INF2: variants seen among roughly 807,000 people sequenced by gnomAD.
The protein encoded by INF2 is inverted formin-2.
In INF2, 43 loss-of-function variants were observed where a neutral mutation model predicts 123.5. The observed-to-expected ratio is 0.35, with a 90% confidence interval of 0.27 to 0.45. INF2 has a LOEUF of 0.45. INF2 is among the 20% of genes least tolerant of loss of function. The probability of loss-of-function intolerance (pLI) is 1.00; values close to 1 mark genes in which losing one functional copy is unlikely to be tolerated. For synonymous variants in INF2, 851 were observed against 745.0 expected (o/e 1.14, Z -2.32); for missense variants, 1,453 against 1,682.7 (o/e 0.86, Z 2.39).
chr14:104,717,999 CCT>C (rs779094134), intron 22 of INF2, among the ~76,000 whole-genome samples: 6 of 152,256 alleles, frequency 3.9e-5, no homozygotes, highest in Non-Finnish European at 7.3e-5. Context: ...GGCACAAGCC[CCT>C]GTTCCTAGCT....
In INF2 at chr14:104,707,330, A is replaced by G. The variant is rs1174161600; in HGVS notation, c.1063A>G (p.Lys355Glu). The change falls in exon 8 of 23, where the codon AAG becomes GAG. Residue 355 changes from lysine to glutamate, a missense_variant. Lys to Glu is a moderately conservative substitution (Grantham distance 56). Coordinates refer to ENST00000392634, the MANE Select transcript of INF2 (RefSeq NM_022489.4). ...KGRPRPSPLVKAHKSVQANLD... is the reference protein window; with the variant it reads ...KGRPRPSPLVEAHKSVQANLD... ...GCGACCCAGACCGAGCCCCCTGGTC[A>G]AGGCCCATAAAAGCGTCCAGGCCAA... The G allele has an allele frequency of 6.2e-7, 1 of 1,602,700 alleles. No individual in the cohort carries two copies. Among genetic ancestry groups the G allele is most frequent in the Non-Finnish European group, 8.5e-7 (1 of 1,175,582 alleles).
chr14:104,712,098 C>G (rs761510354), intron 16 of INF2, among the ~76,000 whole-genome samples: 16 of 152,120 alleles, frequency 1.1e-4, no homozygotes, highest in Non-Finnish European at 2.2e-4. Context: ...AGGAGGGCAG[C>G]CTGGGCCACC....
At position 104,707,813 on chromosome 14, in the gene INF2, C is replaced by T. The variant is rs1336704946; in HGVS notation, c.1546C>T (p.Pro516Ser). Residue 516 changes from proline to serine, a missense_variant, in exon 8 of 23, where the codon CCA becomes TCA. Pro to Ser is a moderately conservative substitution (Grantham distance 74). Transcript: ENST00000392634. ...GCCTGGTATGGGCTGGGGCCCTCCT[C>T]CACCCCCACCTCCACTACTGCCCTG... ...LLPGMGWGPP[P>S]PPPPLLPCTC... is the part of the protein sequence containing the mutation. 6.5e-7 allele frequency: 1 copy of T among 1,537,674 alleles called. No individual in the cohort carries two copies. The highest frequency in any genetic ancestry group is 1.2e-5 in the South Asian group (1 of 86,432).
intron 1 of INF2, chr14:104,700,926 A>C: frequency 1.1e-6 from 1 of 932,280 alleles, no homozygotes; most frequent in Non-Finnish European, 1.3e-6. Flanking sequence ...GGGTGAGATA[A>C]GGCAGCCTCA....
At chr14:104,696,244 G>A (rs1386498636) in intron 1 of INF2, among the ~76,000 whole-genome samples, 2 of 152,210 alleles carry the variant, frequency 1.3e-5, no homozygotes, top group African/African-American at 2.4e-5. Context: ...GATCTTGGAG[G>A]GCTTTGGAGG....
chr14:104,713,118 T>C (rs1423404355), intron 18 of INF2, 89 bp from the exon 19 acceptor site: 3 of 1,606,758 alleles, frequency 1.9e-6, no homozygotes, highest in Non-Finnish European at 2.5e-6. Flanking sequence ...GGCCCTGCGC[T>C]GCTGCGGCTC....
At chr14:104,689,340 T>C (rs1465208627), upstream of INF2, 1 of 830,436 alleles carries the variant, frequency 1.2e-6, no homozygotes, top group Non-Finnish European at 1.5e-6. Context: ...CAGTGGGGGC[T>C]GAGGCGGGAG....
Position 104,707,847 on chromosome 14 carries a change from G to GC in INF2, c.1587dup (p.Val530ArgfsTer50), listed in dbSNP as rs748929807. 11 of 1,600,408 alleles carry GC rather than the reference G, an allele frequency of 6.9e-6. No individual in the cohort carries two copies. Among genetic ancestry groups the GC allele is most frequent in the East Asian group, 4.5e-5 (2 of 44,468 alleles). ...CCTCCACTACTGCCCTGCACCTGCA[G>GC]CCCCCCCGTGGCGGGAGGCATGGAG... On this transcript the variant is annotated frameshift_variant, in exon 8 of 23. Transcript: ENST00000392634. LOFTEE classifies it high-confidence loss of function.
chr14:104,681,496 C>T (rs1382628015), exon 1 of INF2: 1 of 1,138,208 alleles, frequency 8.8e-7, no homozygotes, highest in Non-Finnish European at 1.2e-6. Context: ...GTTACCGGCA[C>T]ACGGGCACCA....
upstream of INF2, chr14:104,689,348 G>A (rs1888811047): frequency 1.8e-5 from 14 of 796,354 alleles, no homozygotes; most frequent in African/African-American, 3.7e-5. Context: ...GCTGAGGCGG[G>A]AGACGGCCCC....
chr14:104,718,828 G>A lies in INF2; in HGVS notation c.*35G>A. On this transcript the variant is annotated 3_prime_UTR_variant, in exon 23 of 23. Transcript: ENST00000392634. The stretch of plus-strand genomic sequence containing the variant: ...CCCAGGCCCAAGGCCAAGTGAGAGA[G>A]CCCAGGCCACAGGACATGCTGCCAT... 1 of 1,612,538 alleles carries A rather than the reference G, an allele frequency of 6.2e-7. No homozygotes were observed. Among genetic ancestry groups the A allele is most frequent in the Non-Finnish European group, 8.5e-7 (1 of 1,179,620 alleles).
chr14:104,707,498 C>G lies in INF2; in HGVS notation c.1231C>G (p.Pro411Ala). 6.5e-7 allele frequency: 1 copy of G among 1,548,766 alleles called. No homozygotes were observed. The highest frequency in any genetic ancestry group is 8.7e-7 in the Non-Finnish European group (1 of 1,146,804). The change falls in exon 8 of 23, where the codon CCC (proline) becomes GCC (alanine). Residue 411 changes from proline (P) to alanine (A), a missense_variant. Coordinates refer to ENST00000392634, the MANE Select transcript of INF2 (RefSeq NM_022489.4). ...TGAGAGCATCCTGAAAGTTTCGCAG[C>G]CCAGAGCCCTGGAGCAGCAGGCGTC... ...QSESILKVSQPRALEQQASTP... is the reference protein window; with the variant it reads ...QSESILKVSQARALEQQASTP...
At chr14:104,711,287 C>T (rs1369480892) in intron 15 of INF2, 101 bp downstream of exon 15, 4 of 1,020,768 alleles carry the variant, frequency 3.9e-6, no homozygotes, top group African/African-American at 3.2e-5. Context: ...CCACTCAGGC[C>T]GCCGGTCTCC....
At chr14:104,709,245 T>G (rs765521379) in intron 10 of INF2, 36 bp from the exon 11 acceptor site, 17 of 1,510,474 alleles carry the variant, frequency 1.1e-5, no homozygotes, top group Non-Finnish European at 1.6e-5. Context: ...TGACTCATGA[T>G]TCACTCACCC....
Position 104,699,314 on chromosome 14 carries a change from C to T in INF2, c.-9-2043C>T, listed in dbSNP as rs193083183. ...GGACAGGGACTCCGGCCAATGGAGG[C>T]GGGGGAGGAAAGGAGGGTCAGTTCT... On this transcript the variant is annotated intron_variant, in intron 1 of 22. Coordinates refer to ENST00000392634, the MANE Select transcript of INF2 (RefSeq NM_022489.4). The surrounding 1 kb of genome is among the most constrained non-coding windows in gnomAD (Gnocchi z 4.7). The T allele has an allele frequency of 1.6e-3, 1,249 of 805,018 alleles. No individual in the cohort carries two copies. The highest frequency in any genetic ancestry group is 1.6e-3 in the Non-Finnish European group (1,049 of 666,004). 49.9% of individuals were successfully genotyped at this position (805,018 alleles called of 1,614,324 possible). A position where few individuals can be genotyped will look rare whatever the true frequency, so the allele number is the denominator to read the frequency against.
intron 16 of INF2, 22 bp from the exon 17 acceptor site, chr14:104,712,411 C>T (rs1357855850): frequency 6.2e-7 from 1 of 1,611,824 alleles, no homozygotes; most frequent in Non-Finnish European, 8.5e-7. Flanking sequence ...GCTGTCTCTG[C>T]CCGGCCCTCC....
In INF2 at chr14:104,715,268, T is replaced by A; in HGVS notation, c.3695-16T>A. The A allele has an allele frequency of 6.2e-7, 1 of 1,613,348 alleles. No individual in the cohort carries two copies. The highest frequency in any genetic ancestry group is 8.5e-7 in the Non-Finnish European group (1 of 1,179,500). Reference sequence around the variant, plus strand: ...TGTGATAAGCCGTTGAGTGCGTTTCTTTTATTTGGAAGCAGAGGTTCCCCC... The same window carrying A: ...TGTGATAAGCCGTTGAGTGCGTTTCATTTATTTGGAAGCAGAGGTTCCCCC... On this transcript the variant is annotated splice_polypyrimidine_tract_variant and intron_variant, in intron 21 of 22. Transcript: ENST00000392634.
upstream of INF2, chr14:104,689,263 G>A (rs2140587441): frequency 3.0e-6 from 3 of 985,320 alleles, no homozygotes; most frequent in African/African-American, 1.7e-5. Flanking sequence ...GCGCCTGGGA[G>A]GCCAGTCCCA....
chr14:104,704,075 CG>C (rs1224670961), intron 5 of INF2, 126 bp downstream of exon 5: 1 of 1,539,636 alleles, frequency 6.5e-7, no homozygotes, highest in African/African-American at 1.4e-5. Flanking sequence ...GTGGCTCCCT[CG>C]GAGTAACCCC....
Sources: allele counts gnomAD v4.1 joint callset (sites outside exome capture counted in the v4.1 genomes callset), GRCh38; gene constraint gnomAD v4.1.1; non-coding constraint Gnocchi (gnomAD v3.1); transcripts MANE v1.5; gene names NCBI Gene and HGNC (gene_info 2026-07-23, HGNC 2026-07-21).